The following CDK12 variants were observed in gnomAD, a reference collection of about 807,000 sequenced individuals.
CDK12 encodes the protein cyclin dependent kinase 12.
Under a neutral mutation model 133.8 loss-of-function variants are expected in CDK12, and 17 were observed. The ratio of observed to expected loss-of-function variants is 0.13; its 90% CI spans 0.09 to 0.19. The LOEUF (loss-of-function observed/expected upper bound fraction) is 0.19. Among genes scored for constraint, CDK12 ranks in the 10% least tolerant of loss-of-function variants. CDK12 has a pLI of 1.00. For missense variants in CDK12, 1,508 were observed against 1,818.7 expected, an observed-to-expected ratio of 0.83 and a Z score of 3.11; for synonymous variants, 694 against 683.6, an observed-to-expected ratio of 1.02 and a Z score of -0.24.
At chr17:39,544,053 A>G, upstream of CDK12, 1 of 291,856 alleles carries the variant, frequency 3.4e-6, no homozygotes, top group South Asian at 3.3e-5. Flanking sequence ...TAGAACAGTT[A>G]TGACTCTCTC....
At chr17:39,537,306 C>G (rs2055176889), downstream of CDK12, among the ~76,000 whole-genome samples, 1 of 152,128 alleles carries the variant, frequency 6.6e-6, no homozygotes, top group South Asian at 2.1e-4. Context: ...GCATTTGGAC[C>G]TGGAGAAAAC....
downstream of CDK12, among the ~76,000 whole-genome samples, chr17:39,537,171 C>G (rs975386146): frequency 2.8e-4 from 43 of 152,136 alleles, no homozygotes; most frequent in African/African-American, 1.0e-3. Flanking sequence ...ATCTGATGGA[C>G]TCTCTAGGAG....
intron 6 of CDK12, among the ~76,000 whole-genome samples, chr17:39,506,340 G>A (rs1181680121): frequency 2.7e-5 from 4 of 149,056 alleles, no homozygotes; most frequent in Non-Finnish European, 4.4e-5. Flanking sequence ...TCAGCCTTCC[G>A]AGTAGTTGGG....
At chr17:39,489,501 T>C (rs1367972437) in intron 2 of CDK12, among the ~76,000 whole-genome samples, 3 of 144,736 alleles carry the variant, frequency 2.1e-5, no homozygotes, top group African/African-American at 7.8e-5. Context: ...ACTGTGCCTG[T>C]TCTAATTTTT....
At chr17:39,488,226 CCT>C (rs776531209) in intron 2 of CDK12, among the ~76,000 whole-genome samples, 12 of 151,050 alleles carry the variant, frequency 7.9e-5, no homozygotes, top group Non-Finnish European at 1.8e-4. Context: ...AAAGTGAGTC[CCT>C]GTCTCAAAAA....
At position 39,490,510 on chromosome 17, in the gene CDK12, C is replaced by T. The variant is rs146187526; in HGVS notation, c.1932-47C>T. On this transcript the variant is annotated intron_variant, in intron 2 of 13. Coordinates refer to ENST00000447079, the MANE Select transcript of CDK12 (RefSeq NM_016507.4). ...TATGATCTTTGAAAATTTTTATTTG[C>T]GTATCTTTAATTGTAATTTTGTCAT... is the stretch of plus-strand genomic sequence containing the variant. The T allele has an allele frequency of 2.3e-4, 308 of 1,360,266 alleles. 1 individual carries two copies. The African/African-American group carries it at 3.7e-3, about 16-fold the overall frequency. The allele number at this position is 1,360,266 out of a possible 1,614,324, so 84.3% of individuals were successfully genotyped here. A position where few individuals can be genotyped will look rare whatever the true frequency, so the allele number is the denominator to read the frequency against.
chr17:39,548,141 A>G (rs951687070), upstream of CDK12, among the ~76,000 whole-genome samples: 1 of 152,162 alleles, frequency 6.6e-6, no homozygotes, highest in African/African-American at 2.4e-5. Context: ...CTTAGCAGAC[A>G]GTTTGGGGAT....
intron 8 of CDK12, among the ~76,000 whole-genome samples, chr17:39,513,296 A>G (rs935077458): frequency 6.6e-6 from 1 of 152,238 alleles, no homozygotes; most frequent in Non-Finnish European, 1.5e-5. Flanking sequence ...CAGTGGAGCA[A>G]ATCACTTCTT....
At chr17:39,494,961 C>T (rs922771132) in intron 5 of CDK12, among the ~76,000 whole-genome samples, 2 of 151,912 alleles carry the variant, frequency 1.3e-5, no homozygotes, top group South Asian at 2.1e-4. Flanking sequence ...TTAGTAGAGG[C>T]GGGGTTTCAC....
chr17:39,478,491 GC>G (rs1200850796), intron 2 of CDK12, among the ~76,000 whole-genome samples: 9 of 152,066 alleles, frequency 5.9e-5, no homozygotes, highest in African/African-American at 2.2e-4. Flanking sequence ...AACGTGCCCA[GC>G]CCTGGCCATG....
intron 2 of CDK12, among the ~76,000 whole-genome samples, chr17:39,552,785 G>A (rs1475632690): frequency 2.6e-5 from 4 of 152,152 alleles, no homozygotes; most frequent in Non-Finnish European, 4.4e-5. Flanking sequence ...GGAGAGTGCA[G>A]TGGCGTGATC....
chr17:39,538,590 A>G (rs1237005497), downstream of CDK12, among the ~76,000 whole-genome samples: 2 of 152,228 alleles, frequency 1.3e-5, no homozygotes, highest in African/African-American at 2.4e-5. Context: ...GCTAAGGGAT[A>G]GAATGAATAA....
At chr17:39,560,259 C>T (rs2056327058) in intron 3 of CDK12, among the ~76,000 whole-genome samples, 1 of 152,198 alleles carries the variant, frequency 6.6e-6, no homozygotes, top group Non-Finnish European at 1.5e-5. Flanking sequence ...ACAAATAAAG[C>T]TGCTATGAAC....
Position 39,462,464 on chromosome 17 carries a change from A to C in CDK12, c.393A>C (p.Glu131Asp), listed in dbSNP as rs748874194. ...TAAAAGCTAAACAGACCGAAAAAGAAAAAAGCCAAGAAGTCTCCAGCAAGT... is the reference window on the plus strand; with the variant it reads ...TAAAAGCTAAACAGACCGAAAAAGACAAAAGCCAAGAAGTCTCCAGCAAGT... ...DLLKAKQTEK[E>D]KSQEVSSKSG... is the part of the protein sequence containing the mutation. The change falls in exon 1 of 14, where the codon GAA becomes GAC. Residue 131 changes from glutamate (E) to aspartate (D), a missense_variant. By Grantham distance (45) the Glu-to-Asp change is conservative. Around this residue, in one of 9 missense-constraint regions of CDK12, gnomAD observed 460 missense variants for 490.8 expected, o/e 0.94. Transcript: ENST00000447079. The C allele has an allele frequency of 2.5e-6, 4 of 1,614,034 alleles. No individual in the cohort carries two copies. Among genetic ancestry groups the C allele is most frequent in the Admixed American group, 1.7e-5 (1 of 59,978 alleles).
chr17:39,513,361 G>T (rs2053607758), intron 8 of CDK12, among the ~76,000 whole-genome samples: 1 of 152,078 alleles, frequency 6.6e-6, no homozygotes, highest in Non-Finnish European at 1.5e-5. Flanking sequence ...CACTACAGGG[G>T]TTTTATTTTA....
At position 39,490,673 on chromosome 17, in the gene CDK12, C is replaced by G. The variant is rs758546637; in HGVS notation, c.2048C>G (p.Pro683Arg). The change falls in exon 3 of 14, where the codon CCA (proline) becomes CGA (arginine). Residue 683 changes from proline (P) to arginine (R), a missense_variant. Physicochemically the swap from Pro to Arg is moderately radical, Grantham distance 103. Around this residue, in one of 9 missense-constraint regions of CDK12, gnomAD observed 347 missense variants for 330.8 expected, o/e 1.05. Coordinates refer to ENST00000447079, the MANE Select transcript of CDK12 (RefSeq NM_016507.4). Reference sequence around the variant, plus strand: ...CTCCCTGGTGGAGATCTGTCTCCCCCAGACTCTCCAGAACCAAAGGCAATC... The same window carrying G: ...CTCCCTGGTGGAGATCTGTCTCCCCGAGACTCTCCAGAACCAAAGGCAATC... ...PELPGGDLSP[P>R]DSPEPKAITP... 2 of 1,613,728 alleles carry G rather than the reference C, an allele frequency of 1.2e-6. No individual in the cohort carries two copies. Among genetic ancestry groups the G allele is most frequent in the Admixed American group, 1.7e-5 (1 of 59,968 alleles).
intron 6 of CDK12, among the ~76,000 whole-genome samples, chr17:39,503,116 C>T (rs755015617): frequency 8.5e-5 from 13 of 152,264 alleles, no homozygotes; most frequent in East Asian, 5.8e-4. Context: ...CTCACTCTGT[C>T]GCCCAGGCTG....
intron 2 of CDK12, among the ~76,000 whole-genome samples, chr17:39,552,036 C>T (rs370084149): frequency 6.6e-6 from 1 of 152,102 alleles, no homozygotes; most frequent in Admixed American, 6.6e-5. Context: ...GAGTTGCCTT[C>T]TCTTCCCCAT....
At chr17:39,515,616 T>C in intron 8 of CDK12, 115 bp from the exon 9 acceptor site, 2 of 626,102 alleles carry the variant, frequency 3.2e-6, no homozygotes, top group South Asian at 2.0e-5. Flanking sequence ...CACTGAAATT[T>C]GGGGCTATTT....
Sources: gnomAD v4.1 joint callset for allele counts (sites outside exome capture counted in the v4.1 genomes callset) on GRCh38, gnomAD v4.1.1 for gene constraint, gnomAD v4.1.1 regional missense constraint, MANE v1.5 for transcripts, NCBI Gene and HGNC (gene_info 2026-07-23, HGNC 2026-07-21) for gene names.